TAFA4: variants seen among roughly 807,000 people sequenced by gnomAD.
TAFA4 encodes TAFA chemokine like family member 4, also known as chemokine-like protein TAFA-4.
A neutral mutation model predicts 21.1 loss-of-function variants in TAFA4; 20 were observed. The observed-to-expected ratio is 0.95, with a 90% confidence interval of 0.67 to 1.38. The LOEUF (loss-of-function observed/expected upper bound fraction) is 1.38, where lower values mean the gene tolerates loss of function less well. Ranked by LOEUF, TAFA4 falls within the 40% of genes most tolerant of loss-of-function variation. The pLI is 0.00. For missense variants in TAFA4, 211 were observed against 180.9 expected, an observed-to-expected ratio of 1.17 and a Z score of -0.95; for synonymous variants, 71 against 67.4, an observed-to-expected ratio of 1.05 and a Z score of -0.26.
intron 3 of TAFA4, among the ~76,000 whole-genome samples, chr3:68,785,219 T>C (rs1703229321): frequency 6.6e-6 from 1 of 152,246 alleles, no homozygotes; most frequent in Non-Finnish European, 1.5e-5. Flanking sequence ...GTTCTCCAAG[T>C]CCTCACCAGT....
intron 3 of TAFA4, among the ~76,000 whole-genome samples, chr3:68,755,465 G>T (rs1325831086): frequency 2.6e-5 from 4 of 152,142 alleles, no homozygotes; most frequent in Non-Finnish European, 5.9e-5. Context: ...CTAGGAAAGG[G>T]TGCATCTGAC....
intron 3 of TAFA4, among the ~76,000 whole-genome samples, chr3:68,870,300 A>G (rs1174754256): frequency 6.6e-6 from 1 of 152,144 alleles, no homozygotes; most frequent in African/African-American, 2.4e-5. Context: ...ATTCAATGCA[A>G]TCTCTATCAA....
chr3:68,811,535 C>G (rs532669151), intron 3 of TAFA4, among the ~76,000 whole-genome samples: 8 of 151,922 alleles, frequency 5.3e-5, no homozygotes, highest in Non-Finnish European at 1.0e-4. Flanking sequence ...ATGCACAAGC[C>G]TTAGTAGCCA....
Position 68,733,277 on chromosome 3 carries a change from C to A in TAFA4, c.412-124G>T. On this transcript the variant is annotated intron_variant, in intron 5 of 5. Transcript: ENST00000295569. Reference sequence around the variant, plus strand: ...TATCAGTTTGTACATTTACCTATAACCGACCTCACCAAATCAACAGTTCAA... The same window carrying A: ...TATCAGTTTGTACATTTACCTATAAACGACCTCACCAAATCAACAGTTCAA... The A allele has an allele frequency of 5.0e-6, 6 of 1,207,164 alleles. No individual in the cohort carries two copies. The South Asian group carries it at 9.3e-5, about 19-fold the overall frequency. 74.8% of individuals were successfully genotyped at this position (1,207,164 alleles called of 1,614,324 possible). A position where few individuals can be genotyped will look rare whatever the true frequency, so the allele number is the denominator to read the frequency against.
intron 4 of TAFA4, among the ~76,000 whole-genome samples, chr3:68,743,095 T>G (rs915079262): frequency 1.3e-5 from 2 of 152,220 alleles, no homozygotes; most frequent in African/African-American, 4.8e-5. Context: ...ACTGAGCTAC[T>G]ATCTAGTGAT....
chr3:68,874,743 C>A (rs1186602629), intron 3 of TAFA4, among the ~76,000 whole-genome samples: 10 of 151,916 alleles, frequency 6.6e-5, no homozygotes, highest in African/African-American at 2.4e-4. Context: ...ATTTGAGGAA[C>A]TGAAATTCTT....
intron 3 of TAFA4, among the ~76,000 whole-genome samples, chr3:68,764,603 C>T (rs1356415922): frequency 1.3e-5 from 2 of 152,144 alleles, no homozygotes; most frequent in African/African-American, 2.4e-5. Context: ...AGTAAATTGG[C>T]TTTTTAGCCT....
At chr3:68,767,846 T>G (rs1208717002) in intron 3 of TAFA4, among the ~76,000 whole-genome samples, 1 of 152,048 alleles carries the variant, frequency 6.6e-6, no homozygotes, top group East Asian at 1.9e-4. Context: ...TGCATACATG[T>G]ACAAGAATTG....
At chr3:68,825,010 G>T (rs1704195881) in intron 3 of TAFA4, among the ~76,000 whole-genome samples, 1 of 152,142 alleles carries the variant, frequency 6.6e-6, no homozygotes, top group Non-Finnish European at 1.5e-5. Flanking sequence ...ACATGTACAG[G>T]ATATGCAGGT....
chr3:68,881,015 T>C (rs934503055), intron 2 of TAFA4, among the ~76,000 whole-genome samples, 170 bp from the exon 3 acceptor site: 5 of 152,258 alleles, frequency 3.3e-5, no homozygotes, highest in Admixed American at 2.6e-4. Flanking sequence ...TAGCATTAAC[T>C]AAATTTTCAA....
rs150231913 is a variant in TAFA4 at position 68,831,111 on chromosome 3, C to T, written c.130+49619G>A. 6.8e-3 allele frequency among the ~76,000 whole-genome samples: 1,041 copies of T among 152,300 alleles called. 13 individuals carry two copies. Among genetic ancestry groups the T allele is most frequent in the African/African-American group, 0.024 (1,004 of 41,560 alleles). On this transcript the variant is annotated intron_variant, in intron 3 of 5. Coordinates refer to ENST00000295569, the MANE Select transcript of TAFA4 (RefSeq NM_182522.5). ...ATATATGAGATTGGTCTCCTGAATA[C>T]AGCACACCAATGAGTCTTGACTCTT...
intron 3 of TAFA4, among the ~76,000 whole-genome samples, chr3:68,789,186 G>A (rs956633108): frequency 1.2e-4 from 18 of 151,046 alleles, no homozygotes; most frequent in East Asian, 3.9e-4. Flanking sequence ...AGCTGGGATC[G>A]CGCCACTGCA....
At chr3:68,879,483 C>T (rs1400556308) in intron 3 of TAFA4, among the ~76,000 whole-genome samples, 1 of 152,126 alleles carries the variant, frequency 6.6e-6, no homozygotes, top group Non-Finnish European at 1.5e-5. Flanking sequence ...TCTTAAACTC[C>T]ACTCAAGAAA....
intron 1 of TAFA4, among the ~76,000 whole-genome samples, chr3:68,920,097 C>A (rs1454142738): frequency 6.6e-6 from 1 of 152,202 alleles, no homozygotes; most frequent in African/African-American, 2.4e-5. Context: ...TGGGAAAAAT[C>A]TGAATGCCCA....
intron 3 of TAFA4, among the ~76,000 whole-genome samples, chr3:68,857,361 A>G (rs573966489): frequency 5.9e-5 from 9 of 152,270 alleles, no homozygotes; most frequent in African/African-American, 1.9e-4. Flanking sequence ...AGCACTGCAA[A>G]CATAGAAAAA....
At chr3:68,830,852 C>T (rs1356185576) in intron 3 of TAFA4, among the ~76,000 whole-genome samples, 3 of 152,142 alleles carry the variant, frequency 2.0e-5, no homozygotes, top group Non-Finnish European at 4.4e-5. Flanking sequence ...TAAGGACTTG[C>T]TTTATGAATC....
At chr3:68,788,604 G>C (rs1003101036) in intron 3 of TAFA4, among the ~76,000 whole-genome samples, 1 of 151,818 alleles carries the variant, frequency 6.6e-6, no homozygotes, top group African/African-American at 2.4e-5. Flanking sequence ...AGTTTTAGGC[G>C]TTGTGTTTAC....
chr3:68,732,044 A>T lies in TAFA4; in HGVS notation c.*1098T>A, dbSNP rs2106714322. The T allele has an allele frequency of 6.5e-6, 1 of 152,740 alleles. No homozygotes were observed. The highest frequency in any genetic ancestry group is 1.9e-4 in the East Asian group (1 of 5,188). 9.5% of individuals were successfully genotyped at this position (152,740 alleles called of 1,614,324 possible). ...AGTATGTACTTTAACAACATTATACATCTAAAATCTGGGTCAGTCATTCTT... is the reference window on the plus strand; with the variant it reads ...AGTATGTACTTTAACAACATTATACTTCTAAAATCTGGGTCAGTCATTCTT... On this transcript the variant is annotated 3_prime_UTR_variant, in exon 6 of 6. Coordinates refer to ENST00000295569, the MANE Select transcript of TAFA4 (RefSeq NM_182522.5).
At chr3:68,897,401 C>A (rs1027585771) in intron 1 of TAFA4, among the ~76,000 whole-genome samples, 6 of 143,868 alleles carry the variant, frequency 4.2e-5, no homozygotes, top group Non-Finnish European at 7.6e-5. Flanking sequence ...CCAAGGGGGG[C>A]AGACACCTGA....
Sources: allele counts gnomAD v4.1 joint callset (sites outside exome capture counted in the v4.1 genomes callset), GRCh38; gene constraint gnomAD v4.1.1; transcripts MANE v1.5; gene names NCBI Gene and HGNC (gene_info 2026-07-23, HGNC 2026-07-21).